The following SPEG variants were observed in gnomAD, a reference collection of about 807,000 sequenced individuals.
SPEG encodes the protein striated muscle enriched protein kinase.
Under a neutral mutation model 300.4 loss-of-function variants are expected in SPEG, and 114 were observed. That is an observed-to-expected ratio of 0.38 (90% CI 0.33 to 0.44). SPEG has a LOEUF of 0.44. Ranked by LOEUF, SPEG falls within the 20% of genes least tolerant of loss-of-function variation. The pLI, the probability that SPEG is intolerant of heterozygous loss-of-function variation, is 1.00. For synonymous variants in SPEG, 1,964 were observed against 2,018.9 expected (o/e 0.97, Z 0.73); for missense variants, 4,201 against 4,586.2 (o/e 0.92, Z 2.43).
At chr2:219,453,147 G>A (rs1047649891) in intron 6 of SPEG, among the ~76,000 whole-genome samples, 2 of 152,194 alleles carry the variant, frequency 1.3e-5, no homozygotes, top group African/African-American at 2.4e-5. Context: ...CAGGACCCCA[G>A]TCAATACCTG....
intron 14 of SPEG, 116 bp from the exon 15 acceptor site, chr2:219,472,111 T>C: frequency 6.6e-7 from 1 of 1,522,718 alleles, no homozygotes; most frequent in Non-Finnish European, 8.9e-7. Context: ...CCCTCTTGCC[T>C]TGCCCCTGCC....
At position 219,490,770 on chromosome 2, in the gene SPEG, G is replaced by C. The variant is rs1693902000; in HGVS notation, c.9199G>C (p.Val3067Leu). 6.8e-6 allele frequency: 11 copies of C among 1,613,976 alleles called. No homozygotes were observed. The highest frequency in any genetic ancestry group is 9.3e-6 in the Non-Finnish European group (11 of 1,180,022). ...TGAGGATGACGTGGCCACTTACATG[G>C]TGCAGCTGCTACAAGGCCTGGACTA... is the stretch of plus-strand genomic sequence containing the variant. ...YSEDDVATYM[V>L]QLLQGLDYLH... is the part of the protein sequence containing the mutation. The change falls in exon 38 of 41, where the codon GTG (valine) becomes CTG (leucine). Residue 3067 changes from valine to leucine, a missense_variant. Transcript: ENST00000312358.
Position 219,479,573 on chromosome 2 carries a change from T to G in SPEG, c.5086-210T>G, listed in dbSNP as rs1161436529. ...GTTGTGCACTGCACAATTCTACTTA[T>G]TACCACGCAATGGCTCCTCCCTATA... On this transcript the variant is annotated intron_variant, in intron 23 of 40. Transcript: ENST00000312358. The surrounding 1 kb of genome is among the most constrained non-coding windows in gnomAD (Gnocchi z 5.5). Among the ~76,000 whole-genome samples, 3 of 152,204 alleles carry G rather than the reference T, an allele frequency of 2.0e-5. No individual in the cohort carries two copies. Among genetic ancestry groups the G allele is most frequent in the Non-Finnish European group, 4.4e-5 (3 of 68,036 alleles).
chr2:219,482,087 A>C, intron 28 of SPEG: 1 of 251,182 alleles, frequency 4.0e-6, no homozygotes, highest in Non-Finnish European at 7.7e-6. Flanking sequence ...TATGAGCTTC[A>C]TGTGAGCAGG....
chr2:219,444,759 T>G lies in SPEG; in HGVS notation c.478+17T>G. 2 of 1,613,118 alleles carry G rather than the reference T, an allele frequency of 1.2e-6. No homozygotes were observed. The highest frequency in any genetic ancestry group is 1.7e-6 in the Non-Finnish European group (2 of 1,179,598). On this transcript the variant is annotated intron_variant, in intron 2 of 40. Coordinates refer to ENST00000312358, the MANE Select transcript of SPEG (RefSeq NM_005876.5). The surrounding 1 kb of genome is among the most constrained non-coding windows in gnomAD (Gnocchi z 7.8). ...CCCCCACGGGTGAGCTCCTGGGGTG[T>G]ACAAAGAGCAGGCAGGCGGGTTTTC... is the stretch of plus-strand genomic sequence containing the variant.
chr2:219,450,859 C>T (rs528937294), intron 4 of SPEG: 84 of 341,114 alleles, frequency 2.5e-4, no homozygotes, highest in African/African-American at 1.6e-3. Context: ...CTGTCTTTCT[C>T]CAGAAGCCAA....
chr2:219,484,746 C>A lies in SPEG; in HGVS notation c.7283C>A (p.Ala2428Asp), dbSNP rs1208331338. ...RRTPPAQRHPAWEARGGDGES... is the reference protein window; with the variant it reads ...RRTPPAQRHPDWEARGGDGES... ...ACCCCTCCCGCGCAGCGCCACCCGG[C>A]CTGGGAGGCCCGCGGCGGGGACGGA... The change falls in exon 30 of 41, where the codon GCC becomes GAC. Residue 2428 changes from alanine to aspartate, a missense_variant. Around this residue, in one of 4 missense-constraint regions of SPEG, gnomAD observed 1,578 missense variants for 1,506.0 expected, o/e 1.05. Transcript: ENST00000312358. 1 of 1,468,258 alleles carries A rather than the reference C, an allele frequency of 6.8e-7. No individual in the cohort carries two copies. Among genetic ancestry groups the A allele is most frequent in the East Asian group, 2.8e-5 (1 of 36,246 alleles). 91.0% of individuals were successfully genotyped at this position (1,468,258 alleles called of 1,614,324 possible).
intron 9 of SPEG, chr2:219,466,434 G>A (rs1691367790): frequency 1.3e-5 from 16 of 1,253,114 alleles, no homozygotes; most frequent in Non-Finnish European, 1.6e-5. Context: ...CTGTCTGTGT[G>A]TCTGTGACAG....
At chr2:219,491,193 A>T (rs1456212983) in intron 38 of SPEG, among the ~76,000 whole-genome samples, 1 of 152,248 alleles carries the variant, frequency 6.6e-6, no homozygotes, top group Non-Finnish European at 1.5e-5. Context: ...GTGCAATCAG[A>T]CAATTATAAA....
In SPEG at chr2:219,449,050, G is replaced by A. The variant is rs1689538461; in HGVS notation, c.1892G>A (p.Arg631Gln). The change falls in exon 4 of 41, where the codon CGG (arginine) becomes CAG (glutamine). Residue 631 changes from arginine to glutamine, a missense_variant. Physicochemically the swap from Arg to Gln is conservative, Grantham distance 43. Around this residue, in one of 4 missense-constraint regions of SPEG, gnomAD observed 1,258 missense variants for 1,293.9 expected, o/e 0.97. Transcript: ENST00000312358. ...ACGAAAGCACCCCCCGGTCGGAAGC[G>A]GGAGCCCCCGGCGCAGGCCGTGCGC... ...ARTKAPPGRK[R>Q]EPPAQAVRFL... 6.6e-7 allele frequency: 1 copy of A among 1,518,702 alleles called. No individual in the cohort carries two copies. Among genetic ancestry groups the A allele is most frequent in the Middle Eastern group, 1.7e-4 (1 of 5,860 alleles). The allele number at this position is 1,518,702 out of a possible 1,614,324, so 94.1% of individuals were successfully genotyped here.
intron 6 of SPEG, among the ~76,000 whole-genome samples, chr2:219,453,141 A>T (rs1470826368): frequency 6.6e-6 from 1 of 151,806 alleles, no homozygotes; most frequent in African/African-American, 2.4e-5. Flanking sequence ...TGGCTCCAGG[A>T]CCCCAGTCAA....
At position 219,467,378 on chromosome 2, in the gene SPEG, C is replaced by T. The variant is rs1294730351; in HGVS notation, c.3086C>T (p.Thr1029Ile). The change falls in exon 10 of 41, where the codon ACA becomes ATA. Residue 1029 changes from threonine (T) to isoleucine (I), a missense_variant. Thr to Ile is a moderately conservative substitution (Grantham distance 89). This residue lies in a region of SPEG where 1,047 missense variants were observed against 1,356.8 expected (regional missense o/e 0.77). Transcript: ENST00000312358. ...GGCCGCAAATGCAAGCTGCTACTTA[C>T]ATCTGTACATGAGGACGACAGTGGC... ...FDGRKCKLLL[T>I]SVHEDDSGVY... 6 of 1,612,392 alleles carry T rather than the reference C, an allele frequency of 3.7e-6. No homozygotes were observed. The highest frequency in any genetic ancestry group is 3.4e-6 in the Non-Finnish European group (4 of 1,179,986).
rs1217103034 is a variant in SPEG at position 219,484,567 on chromosome 2, G to C, written c.7104G>C (p.Glu2368Asp). The C allele has an allele frequency of 3.8e-6, 6 of 1,586,480 alleles. No homozygotes were observed. The highest frequency in any genetic ancestry group is 1.7e-4 in the Middle Eastern group (1 of 5,992). ...EERGPFRGAE[E>D]EDGIYRPSPA... ...GCGGCCCCTTCCGTGGGGCCGAGGAGGAGGATGGCATATACCGGCCCAGCC... is the reference window on the plus strand; with the variant it reads ...GCGGCCCCTTCCGTGGGGCCGAGGACGAGGATGGCATATACCGGCCCAGCC... The change falls in exon 30 of 41, where the codon GAG (glutamate) becomes GAC (aspartate). Residue 2368 changes from glutamate to aspartate, a missense_variant. By Grantham distance (45) the Glu-to-Asp change is conservative. Transcript: ENST00000312358.
At position 219,448,157 on chromosome 2, in the gene SPEG, G is replaced by C; in HGVS notation, c.999G>C (p.Thr333=). The C allele has an allele frequency of 6.2e-7, 1 of 1,609,974 alleles. No homozygotes were observed. The change falls in exon 4 of 41, where the codon ACG becomes ACC. Residue 333 remains threonine, a synonymous_variant. Transcript: ENST00000312358. The stretch of plus-strand genomic sequence containing the variant: ...CGGCCCAGCCCGCGGCCACCCCCAC[G>C]TCGCCCCACCGTCGCACTCAGGAGC... ...GPPAQPAATP[T]SPHRRTQEPV...
At chr2:219,475,261 A>G (rs1290067947) in intron 18 of SPEG, among the ~76,000 whole-genome samples, 6 of 152,190 alleles carry the variant, frequency 3.9e-5, no homozygotes, top group Non-Finnish European at 8.8e-5. Flanking sequence ...TGCTGAGTAA[A>G]TACAATTCCA....
At position 219,464,350 on chromosome 2, in the gene SPEG, C is replaced by G; in HGVS notation, c.2706-83C>G. On this transcript the variant is annotated intron_variant, in intron 8 of 40. Coordinates refer to ENST00000312358, the MANE Select transcript of SPEG (RefSeq NM_005876.5). This position sits in a 1 kb window ranked among gnomAD's most constrained non-coding sequence, Gnocchi z 4.5. ...GGCAAACTGCACAGGGAAGGAGAGGCCTGCACAGTGCTGCAGCCCCAGTTC... is the reference window on the plus strand; with the variant it reads ...GGCAAACTGCACAGGGAAGGAGAGGGCTGCACAGTGCTGCAGCCCCAGTTC... The G allele has an allele frequency of 7.2e-7, 1 of 1,396,742 alleles. No homozygotes were observed. The highest frequency in any genetic ancestry group is 9.8e-7 in the Non-Finnish European group (1 of 1,020,580). 86.5% of individuals were successfully genotyped at this position (1,396,742 alleles called of 1,614,324 possible).
chr2:219,448,688 G>A lies in SPEG; in HGVS notation c.1530G>A (p.Leu510=). The change falls in exon 4 of 41, where the codon CTG becomes CTA. Residue 510 remains leucine, a synonymous_variant. Transcript: ENST00000312358. ...RIRRSTSREE[L]VRSHESLRAT... ...GCCGCTCCACGTCGCGGGAGGAGCT[G>A]GTGCGCTCGCACGAGTCCCTGCGCG... is the stretch of plus-strand genomic sequence containing the variant. 2.7e-6 allele frequency: 4 copies of A among 1,494,164 alleles called. No homozygotes were observed. Among genetic ancestry groups the A allele is most frequent in the Non-Finnish European group, 3.5e-6 (4 of 1,130,070 alleles). The allele number at this position is 1,494,164 out of a possible 1,614,324, so 92.6% of individuals were successfully genotyped here. A position where few individuals can be genotyped will look rare whatever the true frequency, so the allele number is the denominator to read the frequency against.
chr2:219,483,398 GCTCCCTCTCAGGA>G lies in SPEG; in HGVS notation c.5937_5949del (p.Pro1980ArgfsTer255). 6.3e-7 allele frequency: 1 copy of G among 1,593,546 alleles called. No homozygotes were observed. Among genetic ancestry groups the G allele is most frequent in the Non-Finnish European group, 8.5e-7 (1 of 1,174,872 alleles). On this transcript the variant is annotated frameshift_variant, in exon 30 of 41. Coordinates refer to ENST00000312358, the MANE Select transcript of SPEG (RefSeq NM_005876.5). LOFTEE classifies it high-confidence loss of function. ...CATGGACTGGCAGGAGCAGGGAAGG[GCTCCCTCTCAGGA>G]CCAGGAGGCTCCCAGCCCAGAGGCC...
In SPEG at chr2:219,489,495, C is replaced by T. The variant is rs1043837051; in HGVS notation, c.8477C>T (p.Thr2826Ile). 7 of 1,612,180 alleles carry T rather than the reference C, an allele frequency of 4.3e-6. No individual in the cohort carries two copies. Among genetic ancestry groups the T allele is most frequent in the Non-Finnish European group, 5.1e-6 (6 of 1,179,000 alleles). The part of the protein sequence containing the change: ...SVTVSPSSPP[T>I]PPSQALSSLK... ...ACTGTCAGCCCCTCATCTCCCCCCACACCTCCTAGCCAGGCCTTGTCCTCG... is the reference window on the plus strand; with the variant it reads ...ACTGTCAGCCCCTCATCTCCCCCCATACCTCCTAGCCAGGCCTTGTCCTCG... The change falls in exon 36 of 41, where the codon ACA becomes ATA. Residue 2826 changes from threonine (T) to isoleucine (I), a missense_variant. By Grantham distance (89) the Thr-to-Ile change is moderately conservative. Coordinates refer to ENST00000312358, the MANE Select transcript of SPEG (RefSeq NM_005876.5).
Sources: allele counts gnomAD v4.1 joint callset (sites outside exome capture counted in the v4.1 genomes callset), GRCh38; gene constraint gnomAD v4.1.1; regional missense constraint gnomAD v4.1.1; non-coding constraint Gnocchi (gnomAD v3.1); transcripts MANE v1.5; gene names NCBI Gene and HGNC (gene_info 2026-07-23, HGNC 2026-07-21).